The following DUSP3 variants were observed in gnomAD, a reference collection of about 807,000 sequenced individuals.
The protein encoded by DUSP3 is dual specificity phosphatase 3, also known as dual specificity protein phosphatase 3.
In DUSP3, 7 loss-of-function variants were observed where a neutral mutation model predicts 15.5. That is an observed-to-expected ratio of 0.45 (90% CI 0.26 to 0.85). DUSP3 has a LOEUF of 0.85. DUSP3 is among the 40% of genes least tolerant of loss of function. The pLI is 0.18. For synonymous variants in DUSP3, 86 were observed against 104.2 expected (o/e 0.83, Z 1.07); for missense variants, 209 against 251.7 (o/e 0.83, Z 1.15).
At chr17:43,777,318 A>T (rs1974401872) in intron 1 of DUSP3, among the ~76,000 whole-genome samples, 1 of 152,206 alleles carries the variant, frequency 6.6e-6, no homozygotes, top group Non-Finnish European at 1.5e-5. Flanking sequence ...TACAATTATC[A>T]TTATTACTAT....
Position 43,766,722 on chromosome 17 carries a change from G to A in DUSP3, c.*2887C>T, listed in dbSNP as rs1439987914. 6.6e-6 allele frequency: 1 copy of A among 152,478 alleles called. No individual in the cohort carries two copies. Among genetic ancestry groups the A allele is most frequent in the Non-Finnish European group, 1.5e-5 (1 of 68,048 alleles). 9.4% of individuals were successfully genotyped at this position (152,478 alleles called of 1,614,324 possible). A position where few individuals can be genotyped will look rare whatever the true frequency, so the allele number is the denominator to read the frequency against. On this transcript the variant is annotated 3_prime_UTR_variant, in exon 3 of 3. Coordinates refer to ENST00000226004, the MANE Select transcript of DUSP3 (RefSeq NM_004090.4). ...AGGGGACCTTAGAGGTCTTCTAGATGAGTCCCCTCATTTGTAGGTGGTGGT... is the reference window on the plus strand; with the variant it reads ...AGGGGACCTTAGAGGTCTTCTAGATAAGTCCCCTCATTTGTAGGTGGTGGT...
rs1220915885 is a variant in DUSP3, at chr17:43,769,178, A to G, written c.*431T>C. ...GGTGGGGAGAGTGGCCTGCATTTGC[A>G]TAGTTCCTTTACTAGGGCTCAAGGT... On this transcript the variant is annotated 3_prime_UTR_variant, in exon 3 of 3. Transcript: ENST00000226004. 3 of 188,876 alleles carry G rather than the reference A, an allele frequency of 1.6e-5. No individual in the cohort carries two copies. Among genetic ancestry groups the G allele is most frequent in the Non-Finnish European group, 3.2e-5 (3 of 92,676 alleles). The allele number at this position is 188,876 out of a possible 1,614,324, so 11.7% of individuals were successfully genotyped here.
chr17:43,772,296 C>T (rs912402849), intron 2 of DUSP3, among the ~76,000 whole-genome samples: 4 of 152,300 alleles, frequency 2.6e-5, no homozygotes, highest in Middle Eastern at 3.4e-3. Context: ...ATTCACCCTC[C>T]GGCCTGTATG....
Position 43,769,718 on chromosome 17 carries a change from G to A in DUSP3, c.449C>T (p.Ala150Val), listed in dbSNP as rs769342599. 3.7e-6 allele frequency: 6 copies of A among 1,614,004 alleles called. No individual in the cohort carries two copies. In the South Asian group the frequency reaches 4.4e-5, roughly 12 times the overall value. ...ACGGTTCTGCCTCACGATGCTCAGG[G>A]CAGACTTGACGTCCATCTTCTGCCG... ...MMRQKMDVKS[A>V]LSIVRQNREI... Residue 150 changes from alanine (A) to valine (V), a missense_variant, in exon 3 of 3, where the codon GCC becomes GTC. Transcript: ENST00000226004.
rs1241794111 is a variant in DUSP3, at chr17:43,767,487, T to C, written c.*2122A>G. 2 of 152,596 alleles carry C rather than the reference T, an allele frequency of 1.3e-5. No individual in the cohort carries two copies. The highest frequency in any genetic ancestry group is 2.9e-5 in the Non-Finnish European group (2 of 68,052). The allele number at this position is 152,596 out of a possible 1,614,324, so 9.5% of individuals were successfully genotyped here. On this transcript the variant is annotated 3_prime_UTR_variant, in exon 3 of 3. Coordinates refer to ENST00000226004, the MANE Select transcript of DUSP3 (RefSeq NM_004090.4). ...GAGTATCGTATGAAAGAATCCAGCT[T>C]CAGGGAGCAGCAAACCCAAAATCTT...
intron 2 of DUSP3, among the ~76,000 whole-genome samples, chr17:43,773,294 G>A (rs964175564): frequency 2.6e-5 from 4 of 152,204 alleles, no homozygotes; most frequent in Admixed American, 1.3e-4. Context: ...GGTCCCCTCC[G>A]CTGGGAGGGT....
rs777160650 is a variant in DUSP3, at chr17:43,769,770, T to C, written c.397A>G (p.Thr133Ala). Reference protein sequence around the residue: ...HCREGYSRSPTLVIAYLMMRQ... With the variant: ...HCREGYSRSPALVIAYLMMRQ... The stretch of plus-strand genomic sequence containing the variant: ...ATCATGAGGTAGGCGATAACTAGCG[T>C]TGGGGAGCGGCTATAACCTTCCCGG... Residue 133 changes from threonine to alanine, a missense_variant, in exon 3 of 3, where the codon ACG becomes GCG. Coordinates refer to ENST00000226004, the MANE Select transcript of DUSP3 (RefSeq NM_004090.4). The C allele has an allele frequency of 1.9e-6, 3 of 1,614,052 alleles. No homozygotes were observed. Among genetic ancestry groups the C allele is most frequent in the South Asian group, 1.1e-5 (1 of 91,084 alleles).
chr17:43,771,789 C>T (rs1424469756), intron 2 of DUSP3, among the ~76,000 whole-genome samples: 1 of 152,046 alleles, frequency 6.6e-6, no homozygotes, highest in African/African-American at 2.4e-5. Flanking sequence ...TGGGCGGATC[C>T]CCTGAAGTCA....
rs1414242228 is a variant in DUSP3, at chr17:43,774,857, C to T, written c.207G>A (p.Met69Ile). The T allele has an allele frequency of 6.2e-7, 1 of 1,614,188 alleles. No homozygotes were observed. Among genetic ancestry groups the T allele is most frequent in the Admixed American group, 1.7e-5 (1 of 60,030 alleles). ...VLNAAEGRSF[M>I]HVNTNANFYK... ...AGAAGTTGGCATTGGTGTTGACGTG[C>T]ATGAAGGACCTGCCCTCAGCCGCGT... is the stretch of plus-strand genomic sequence containing the variant. The change falls in exon 2 of 3, where the codon ATG becomes ATA. Residue 69 changes from methionine (M) to isoleucine (I), a missense_variant. Physicochemically the swap from Met to Ile is conservative, Grantham distance 10. Coordinates refer to ENST00000226004, the MANE Select transcript of DUSP3 (RefSeq NM_004090.4).
rs11713 is a variant in DUSP3, at chr17:43,768,456, G to A, written c.*1153C>T. On this transcript the variant is annotated 3_prime_UTR_variant, in exon 3 of 3. Coordinates refer to ENST00000226004, the MANE Select transcript of DUSP3 (RefSeq NM_004090.4). ...AATAAAGGATCCATTTGGACACTCC[G>A]CCATGTCTCATGTCTGCCTGGCTGA... is the stretch of plus-strand genomic sequence containing the variant. 0.25 allele frequency: 37,391 copies of A among 151,976 alleles called. 5,203 individuals are homozygous for A. Among genetic ancestry groups the A allele is most frequent in the African/African-American group, 0.38 (15,536 of 41,398 alleles). The allele number at this position is 151,976 out of a possible 1,614,324, so 9.4% of individuals were successfully genotyped here. A position where few individuals can be genotyped will look rare whatever the true frequency, so the allele number is the denominator to read the frequency against.
At chr17:43,770,032 T>C (rs952496448) in intron 2 of DUSP3, among the ~76,000 whole-genome samples, 1 of 152,080 alleles carries the variant, frequency 6.6e-6, no homozygotes, top group Non-Finnish European at 1.5e-5. Flanking sequence ...GAGGCGTGAA[T>C]TGGCACAACC....
At chr17:43,773,664 T>C (rs981020612) in intron 2 of DUSP3, among the ~76,000 whole-genome samples, 8 of 152,168 alleles carry the variant, frequency 5.3e-5, no homozygotes, top group Non-Finnish European at 1.2e-4. Flanking sequence ...AATGTTTTAC[T>C]TGTTCTTAAA....
chr17:43,776,881 T>A (rs771269825), intron 1 of DUSP3, among the ~76,000 whole-genome samples: 1 of 152,204 alleles, frequency 6.6e-6, no homozygotes, highest in Non-Finnish European at 1.5e-5. Context: ...TGGGACTCTG[T>A]TTATTCCTGC....
chr17:43,778,651 G>C (rs1974422837), intron 1 of DUSP3, 149 bp downstream of exon 1: 1 of 1,127,370 alleles, frequency 8.9e-7, no homozygotes, highest in Admixed American at 4.0e-5. Context: ...GTCGACTCCA[G>C]GCCCCTCCCA....
Position 43,774,840 on chromosome 17 carries a change from G to A in DUSP3, c.224C>T (p.Ala75Val). 6.2e-7 allele frequency: 1 copy of A among 1,614,132 alleles called. No individual in the cohort carries two copies. Among genetic ancestry groups the A allele is most frequent in the Non-Finnish European group, 8.5e-7 (1 of 1,180,020 alleles). Residue 75 changes from alanine (A) to valine (V), a missense_variant, in exon 2 of 3, where the codon GCC (alanine) becomes GTC (valine). Ala to Val is a moderately conservative substitution (Grantham distance 64, BLOSUM62 0). Coordinates refer to ENST00000226004, the MANE Select transcript of DUSP3 (RefSeq NM_004090.4). The stretch of plus-strand genomic sequence containing the variant: ...GATGCCGGAGTCCTTGTAGAAGTTG[G>A]CATTGGTGTTGACGTGCATGAAGGA... ...GRSFMHVNTN[A>V]NFYKDSGITY...
chr17:43,774,737 A>C lies in DUSP3; in HGVS notation c.327T>G (p.Ile109Met). The change falls in exon 2 of 3, where the codon ATT (isoleucine) becomes ATG (methionine). Residue 109 changes from isoleucine (I) to methionine (M), a missense_variant. By Grantham distance (10) the Ile-to-Met change is conservative. Coordinates refer to ENST00000226004, the MANE Select transcript of DUSP3 (RefSeq NM_004090.4). ...CATTCTTTTGAGCCAAAGCCTGGTC[A>C]ATGAAGTCGGCAGCCCTTTCAAAGT... ...SAYFERAADF[I>M]DQALAQKNGR... is the part of the protein sequence containing the mutation. 2 of 1,614,216 alleles carry C rather than the reference A, an allele frequency of 1.2e-6. No homozygotes were observed. Among genetic ancestry groups the C allele is most frequent in the Non-Finnish European group, 1.7e-6 (2 of 1,180,028 alleles).
chr17:43,770,375 G>A (rs1404832623), intron 2 of DUSP3, among the ~76,000 whole-genome samples: 2 of 152,202 alleles, frequency 1.3e-5, no homozygotes, highest in East Asian at 3.9e-4. Context: ...AGCCTGCAAG[G>A]GGCTGGGCAC....
Position 43,769,446 on chromosome 17 carries a change from A to C in DUSP3, c.*163T>G. 1.3e-6 allele frequency: 1 copy of C among 752,200 alleles called. No individual in the cohort carries two copies. Among genetic ancestry groups the C allele is most frequent in the Non-Finnish European group, 2.1e-6 (1 of 484,694 alleles). The allele number at this position is 752,200 out of a possible 1,614,324, so 46.6% of individuals were successfully genotyped here. A position where few individuals can be genotyped will look rare whatever the true frequency, so the allele number is the denominator to read the frequency against. On this transcript the variant is annotated 3_prime_UTR_variant, in exon 3 of 3. Transcript: ENST00000226004. ...TGGCAAGCTTCTTTATGTGCTCCCC[A>C]GGGTGGGGAAAGTGGCCCAGGACTG...
intron 1 of DUSP3, among the ~76,000 whole-genome samples, 168 bp from the exon 2 acceptor site, chr17:43,775,106 A>C (rs1326898539): frequency 6.6e-6 from 1 of 152,134 alleles, no homozygotes; most frequent in Non-Finnish European, 1.5e-5. Flanking sequence ...CACTCTGGCC[A>C]TATCGAATTG....
Sources: gnomAD v4.1 joint callset for allele counts (sites outside exome capture counted in the v4.1 genomes callset) on GRCh38, gnomAD v4.1.1 for gene constraint, MANE v1.5 for transcripts, NCBI Gene and HGNC (gene_info 2026-07-23, HGNC 2026-07-21) for gene names.